IL1RAPL1: variants seen among roughly 807,000 people sequenced by gnomAD.
IL1RAPL1 encodes interleukin 1 receptor accessory protein like 1, also known as interleukin-1 receptor accessory protein-like 1.
IL1RAPL1 carries 3 observed loss-of-function variants against 48.4 expected under a neutral mutation model. The observed-to-expected ratio is 0.06, with a 90% CI of 0.03 to 0.16. The LOEUF (loss-of-function observed/expected upper bound fraction) is 0.16. Among genes scored for constraint, IL1RAPL1 ranks in the 10% least tolerant of loss-of-function variants. The pLI is 1.00. For synonymous variants in IL1RAPL1, 185 were observed against 187.7 expected (o/e 0.99, Z 0.12); for missense variants, 349 against 530.6 (o/e 0.66, Z 3.36).
At chrX:29,743,609 C>T (rs1218282812) in intron 6 of IL1RAPL1, among the ~76,000 whole-genome samples, 4 of 111,304 alleles carry the variant, frequency 3.6e-5, no homozygotes, top group East Asian at 2.8e-4. Flanking sequence ...CTCAGCCTCC[C>T]GAGTAGCTGG....
chrX:28,721,858 T>TC (rs1180459365), intron 1 of IL1RAPL1, among the ~76,000 whole-genome samples: 18 of 111,496 alleles, frequency 1.6e-4, no homozygotes, highest in Admixed American at 1.4e-3. Flanking sequence ...GGGAATCCTT[T>TC]CCCCATTTCT....
At chrX:29,240,219 TATA>T (rs1569267421) in intron 2 of IL1RAPL1, among the ~76,000 whole-genome samples, 76 of 23,284 alleles carry the variant, frequency 3.3e-3, no homozygotes, top group East Asian at 0.026. Flanking sequence ...TATATATATA[TATA>T]TATTTTTTTT....
chrX:29,658,472 G>A lies in IL1RAPL1; in HGVS notation c.704-9958G>A, dbSNP rs751474183. Reference sequence around the variant, plus strand: ...GTTTATCAAGATGTTGGACAGCAACGAAATGTAAATTCCGTAACTCATGTG... The same window carrying A: ...GTTTATCAAGATGTTGGACAGCAACAAAATGTAAATTCCGTAACTCATGTG... On this transcript the variant is annotated intron_variant, in intron 5 of 10. Transcript: ENST00000378993. Among the ~76,000 whole-genome samples the A allele has an allele frequency of 2.7e-5, 3 of 112,072 alleles. No individual in the cohort carries two copies. In the South Asian group the frequency reaches 1.1e-3, roughly 42 times the overall value.
intron 6 of IL1RAPL1, among the ~76,000 whole-genome samples, chrX:29,681,654 A>G (rs774873217): frequency 5.3e-5 from 6 of 112,196 alleles, no homozygotes; most frequent in African/African-American, 1.3e-4. Flanking sequence ...ACTCAAGGCT[A>G]GGCATTACCT....
At chrX:28,762,479 G>A (rs2074187484) in intron 1 of IL1RAPL1, among the ~76,000 whole-genome samples, 1 of 111,070 alleles carries the variant, frequency 9.0e-6, no homozygotes, top group South Asian at 3.8e-4. Context: ...AAGAAGTAAC[G>A]TTATCTGCAA....
At chrX:29,563,663 T>C (rs924379869) in intron 5 of IL1RAPL1, among the ~76,000 whole-genome samples, 1 of 112,508 alleles carries the variant, frequency 8.9e-6, no homozygotes, top group Non-Finnish European at 1.9e-5. Flanking sequence ...TTGCAAGAAG[T>C]AGGACTTCAG....
intron 3 of IL1RAPL1, among the ~76,000 whole-genome samples, chrX:29,337,993 A>T (rs1043319568): frequency 3.6e-5 from 4 of 111,711 alleles, no homozygotes; most frequent in Non-Finnish European, 7.5e-5. Context: ...TATTCTTATT[A>T]TTATGCATCA....
At chrX:28,677,275 CTG>C (rs1935009368) in intron 1 of IL1RAPL1, among the ~76,000 whole-genome samples, 1 of 111,062 alleles carries the variant, frequency 9.0e-6, no homozygotes, top group Non-Finnish European at 1.9e-5. Flanking sequence ...ATAGTTTTTT[CTG>C]TGTGTTTGTG....
At chrX:29,824,612 T>C (rs1305217294) in intron 6 of IL1RAPL1, among the ~76,000 whole-genome samples, 9 of 112,347 alleles carry the variant, frequency 8.0e-5, no homozygotes, top group African/African-American at 2.6e-4. Flanking sequence ...TCTTTGTTCC[T>C]AAGGGGGAAA....
At chrX:29,515,790 G>A (rs762779340) in intron 5 of IL1RAPL1, among the ~76,000 whole-genome samples, 2 of 111,223 alleles carry the variant, frequency 1.8e-5, no homozygotes, top group African/African-American at 6.5e-5. Flanking sequence ...GGATTCAAGC[G>A]ATCCTCCTAC....
At chrX:29,121,192 TC>T (rs1362551310) in intron 2 of IL1RAPL1, among the ~76,000 whole-genome samples, 2 of 111,828 alleles carry the variant, frequency 1.8e-5, no homozygotes, top group Non-Finnish European at 3.8e-5. Flanking sequence ...CAAGGATGAC[TC>T]CACTCACCAC....
intron 1 of IL1RAPL1, among the ~76,000 whole-genome samples, chrX:28,767,640 C>T (rs1439219113): frequency 9.2e-6 from 1 of 109,194 alleles, no homozygotes. Context: ...TGTGCATGTG[C>T]GTGTGTGTCT....
intron 2 of IL1RAPL1, among the ~76,000 whole-genome samples, chrX:28,848,260 C>G (rs1569185140): frequency 1.8e-5 from 2 of 111,068 alleles, no homozygotes; most frequent in Non-Finnish European, 3.8e-5. Context: ...CAGCAAGCCA[C>G]CATGGCACAT....
chrX:29,563,987 A>C (rs1282708951), intron 5 of IL1RAPL1, among the ~76,000 whole-genome samples: 4 of 111,951 alleles, frequency 3.6e-5, no homozygotes, highest in African/African-American at 1.3e-4. Flanking sequence ...TGTATTCATT[A>C]AATATATAGA....
intron 5 of IL1RAPL1, among the ~76,000 whole-genome samples, chrX:29,532,917 G>A (rs1250421792): frequency 1.8e-5 from 2 of 111,701 alleles, no homozygotes; most frequent in African/African-American, 6.5e-5. Flanking sequence ...GGTATTACAG[G>A]AATGCAGAGC....
chrX:29,252,834 C>T (rs1931689315), intron 2 of IL1RAPL1, among the ~76,000 whole-genome samples: 1 of 111,039 alleles, frequency 9.0e-6, no homozygotes, highest in Admixed American at 9.6e-5. Context: ...ACTTACTTCT[C>T]TTAGAATACT....
At chrX:28,873,422 G>A (rs1340695748) in intron 2 of IL1RAPL1, among the ~76,000 whole-genome samples, 3 of 105,677 alleles carry the variant, frequency 2.8e-5, no homozygotes, top group East Asian at 3.0e-4. Flanking sequence ...CTGAGCCTAA[G>A]TTTATCAGTA....
chrX:28,663,191 C>T (rs765898596), intron 1 of IL1RAPL1, among the ~76,000 whole-genome samples: 2 of 111,681 alleles, frequency 1.8e-5, no homozygotes, highest in South Asian at 7.5e-4. Flanking sequence ...ATAGTCCTCC[C>T]TAAAGGTGGC....
chrX:28,633,223 AG>A (rs1026264877), intron 1 of IL1RAPL1, among the ~76,000 whole-genome samples: 5 of 111,324 alleles, frequency 4.5e-5, no homozygotes, highest in Non-Finnish European at 7.5e-5. Flanking sequence ...AGAGCAAAAA[AG>A]GCAAATAGCA....
Sources: gnomAD v4.1 joint callset for allele counts (sites outside exome capture counted in the v4.1 genomes callset) on GRCh38, gnomAD v4.1.1 for gene constraint, MANE v1.5 for transcripts, NCBI Gene and HGNC (gene_info 2026-07-23, HGNC 2026-07-21) for gene names.